The following SAP30L variants were observed in gnomAD, a reference collection of about 807,000 sequenced individuals.
The protein encoded by SAP30L is SAP30 like.
Under a neutral mutation model 22.3 loss-of-function variants are expected in SAP30L, and 10 were observed. That is an observed-to-expected ratio of 0.45 (90% CI 0.28 to 0.76). The LOEUF is 0.76. Ranked by LOEUF, SAP30L falls within the 30% of genes least tolerant of loss-of-function variation. The probability of loss-of-function intolerance (pLI) is 0.14; values close to 1 mark genes in which losing one functional copy is unlikely to be tolerated. For missense variants in SAP30L, 206 were observed against 237.9 expected, an observed-to-expected ratio of 0.87 and a Z score of 0.88; for synonymous variants, 91 against 94.1, an observed-to-expected ratio of 0.97 and a Z score of 0.19.
chr5:154,446,591 C>G lies in SAP30L; in HGVS notation c.-14C>G. On this transcript the variant is annotated 5_prime_UTR_variant, in exon 1 of 4. Coordinates refer to ENST00000297109, the MANE Select transcript of SAP30L (RefSeq NM_024632.6). ...GGGGACCCTCCCCCAGAGGGACCGG[C>G]CCGGGGCGGGGAGATGAACGGCTTC... The G allele has an allele frequency of 6.8e-7, 1 of 1,464,300 alleles. No homozygotes were observed. Among genetic ancestry groups the G allele is most frequent in the Non-Finnish European group, 9.0e-7 (1 of 1,112,354 alleles). The allele number at this position is 1,464,300 out of a possible 1,614,324, so 90.7% of individuals were successfully genotyped here. A position where few individuals can be genotyped will look rare whatever the true frequency, so the allele number is the denominator to read the frequency against.
rs1258537019 is a variant in SAP30L at position 154,458,485 on chromosome 5, AGTGGGGT to A, written c.*2464_*2470del. ...GCAACGGGGTCTGGCTTCAGGGAGC[AGTGGGGT>A]GTGGGGAAAGCAATGTTCATCTTGG... is the stretch of plus-strand genomic sequence containing the variant. On this transcript the variant is annotated 3_prime_UTR_variant, in exon 4 of 4. Transcript: ENST00000297109. The A allele has an allele frequency of 6.6e-6, 1 of 152,298 alleles. No individual in the cohort carries two copies. Among genetic ancestry groups the A allele is most frequent in the African/African-American group, 2.4e-5 (1 of 41,466 alleles). 9.4% of individuals were successfully genotyped at this position (152,298 alleles called of 1,614,324 possible).
rs1757136933 is a variant in SAP30L, at chr5:154,451,423, C to T, written c.324+210C>T. ...TCAGACTGCCCCATCATTTTACAGA[C>T]AGGCACAGAGAGCCGAGGTCATGTA... is the stretch of plus-strand genomic sequence containing the variant. On this transcript the variant is annotated intron_variant, in intron 2 of 3. Coordinates refer to ENST00000297109, the MANE Select transcript of SAP30L (RefSeq NM_024632.6). 9 of 594,464 alleles carry T rather than the reference C, an allele frequency of 1.5e-5. No homozygotes were observed. The South Asian group carries it at 2.0e-4, about 13-fold the overall frequency. 36.8% of individuals were successfully genotyped at this position (594,464 alleles called of 1,614,324 possible). A position where few individuals can be genotyped will look rare whatever the true frequency, so the allele number is the denominator to read the frequency against.
chr5:154,446,994 C>T (rs1273654219), intron 1 of SAP30L, among the ~76,000 whole-genome samples, 189 bp downstream of exon 1: 2 of 152,224 alleles, frequency 1.3e-5, no homozygotes, highest in Admixed American at 6.5e-5. Flanking sequence ...TGATTCTACC[C>T]AGATCCGGGA....
At chr5:154,447,833 C>G (rs1406037055) in intron 1 of SAP30L, among the ~76,000 whole-genome samples, 1 of 152,154 alleles carries the variant, frequency 6.6e-6, no homozygotes, top group Admixed American at 6.5e-5. Context: ...CAGGTACACA[C>G]AGCACCTAAG....
Position 154,456,267 on chromosome 5 carries a change from CTATG to C in SAP30L, c.*243_*246del, listed in dbSNP as rs1757263168. 2.2e-5 allele frequency: 7 copies of C among 320,864 alleles called. No homozygotes were observed. 19.9% of individuals were successfully genotyped at this position (320,864 alleles called of 1,614,324 possible). Reference sequence around the variant, plus strand: ...TCAGGATCATTAAAAGAATTAAAAACTATGTATTTCAGCATTCAACAAAGCATTA... The same window carrying C: ...TCAGGATCATTAAAAGAATTAAAAACTATTTCAGCATTCAACAAAGCATTA... On this transcript the variant is annotated 3_prime_UTR_variant, in exon 4 of 4. Coordinates refer to ENST00000297109, the MANE Select transcript of SAP30L (RefSeq NM_024632.6).
At chr5:154,453,329 A>T in intron 2 of SAP30L, 73 bp from the exon 3 acceptor site, 1 of 1,006,214 alleles carries the variant, frequency 9.9e-7, no homozygotes, top group Non-Finnish European at 1.6e-6. Context: ...GTGTAGTGCT[A>T]GGCACATAGT....
At chr5:154,452,920 TC>T (rs890528026) in intron 2 of SAP30L, among the ~76,000 whole-genome samples, 2 of 151,824 alleles carry the variant, frequency 1.3e-5, no homozygotes, top group African/African-American at 4.8e-5. Context: ...TCCCTCCGTA[TC>T]CCCCCATCAG....
rs2113262273 is a variant in SAP30L at position 154,446,430 on chromosome 5, GC to G, written c.-173del. The stretch of plus-strand genomic sequence containing the variant: ...GGAAGGGGGCTTCCGGAGGCGGAGG[GC>G]CGGGGGCCGAGGGAGCCGGGCCTCT... On this transcript the variant is annotated 5_prime_UTR_variant, in exon 1 of 4. Coordinates refer to ENST00000297109, the MANE Select transcript of SAP30L (RefSeq NM_024632.6). 1 of 480,974 alleles carries G rather than the reference GC, an allele frequency of 2.1e-6. No homozygotes were observed. The highest frequency in any genetic ancestry group is 3.4e-6 in the Non-Finnish European group (1 of 294,112). 29.8% of individuals were successfully genotyped at this position (480,974 alleles called of 1,614,324 possible). A position where few individuals can be genotyped will look rare whatever the true frequency, so the allele number is the denominator to read the frequency against.
chr5:154,452,817 T>G (rs568403524), intron 2 of SAP30L, among the ~76,000 whole-genome samples: 1 of 151,274 alleles, frequency 6.6e-6, no homozygotes. Context: ...CTCTGGTTTT[T>G]GCCTTTGCTC....
intron 1 of SAP30L, among the ~76,000 whole-genome samples, chr5:154,447,969 CTTTTTTTTTTTTTT>C (rs140213326): frequency 6.8e-5 from 6 of 88,350 alleles, no homozygotes; most frequent in Non-Finnish European, 8.1e-5. Context: ...TTTTCTTTTT[CTTTTTTTTTTTTTT>C]TTTTTTTTTT....
rs753102194 is a variant in SAP30L, at chr5:154,451,201, T to G, written c.312T>G (p.Thr104=). ...DDGGDSPEHD[T]DIPEVDLFQL... Reference sequence around the variant, plus strand: ...GCGGAGATTCTCCCGAGCACGACACTGACATTCCTGAGGTAAAGGTCAAAG... The same window carrying G: ...GCGGAGATTCTCCCGAGCACGACACGGACATTCCTGAGGTAAAGGTCAAAG... Residue 104 remains threonine, a synonymous_variant, in exon 2 of 4, where the codon ACT becomes ACG. Coordinates refer to ENST00000297109, the MANE Select transcript of SAP30L (RefSeq NM_024632.6). The G allele has an allele frequency of 3.7e-6, 6 of 1,613,824 alleles. No homozygotes were observed. In the East Asian group the frequency reaches 1.3e-4, roughly 36 times the overall value.
chr5:154,453,357 T>G (rs944949365), intron 2 of SAP30L, 45 bp from the exon 3 acceptor site: 1 of 1,405,162 alleles, frequency 7.1e-7, no homozygotes, highest in Non-Finnish European at 1.0e-6. Flanking sequence ...TGGTGAGTCC[T>G]GGGTGGTCAG....
At chr5:154,453,651 C>A in intron 3 of SAP30L, 151 bp downstream of exon 3, 1 of 620,636 alleles carries the variant, frequency 1.6e-6, no homozygotes, top group South Asian at 2.0e-5. Flanking sequence ...AATTTAGAAC[C>A]CCACAGCTTT....
At position 154,450,197 on chromosome 5, in the gene SAP30L, T is replaced by A. The variant is rs577964855; in HGVS notation, c.202-894T>A. 2.6e-5 allele frequency among the ~76,000 whole-genome samples: 4 copies of A among 152,356 alleles called. 1 individual carries two copies. The South Asian group carries it at 8.3e-4, about 32-fold the overall frequency. The stretch of plus-strand genomic sequence containing the variant: ...AGCCAGCCTTGGAGGATTCTTCATG[T>A]CTTAGCTGTTGCTGCCACCTTCACT... On this transcript the variant is annotated intron_variant, in intron 1 of 3. Transcript: ENST00000297109.
At chr5:154,449,584 G>A (rs1228154863) in intron 1 of SAP30L, among the ~76,000 whole-genome samples, 24 of 152,170 alleles carry the variant, frequency 1.6e-4, no homozygotes, top group Admixed American at 1.6e-3. Flanking sequence ...GAGTGGACTC[G>A]CCAGTCTAGC....
intron 2 of SAP30L, chr5:154,451,420 A>G: frequency 1.7e-6 from 1 of 594,552 alleles, no homozygotes; most frequent in Non-Finnish European, 2.9e-6. Context: ...ATCATTTTAC[A>G]GACAGGCACA....
In SAP30L at chr5:154,453,439, G is replaced by A. The variant is rs1369350827; in HGVS notation, c.362G>A (p.Arg121His). ...LFQLQVNTLR[R>H]YKRHYKLQTR... ...CAGCTGCAGGTGAACACCCTACGAC[G>A]TTATAAACGACACTACAAGTTGCAG... Residue 121 changes from arginine (R) to histidine (H), a missense_variant, in exon 3 of 4, where the codon CGT (arginine) becomes CAT (histidine). Coordinates refer to ENST00000297109, the MANE Select transcript of SAP30L (RefSeq NM_024632.6). 12 of 1,613,656 alleles carry A rather than the reference G, an allele frequency of 7.4e-6. No homozygotes were observed. Among genetic ancestry groups the A allele is most frequent in the African/African-American group, 2.7e-5 (2 of 74,888 alleles).
intron 1 of SAP30L, among the ~76,000 whole-genome samples, chr5:154,447,969 C>CTTTTTTTTTT (rs140213326): frequency 2.0e-4 from 18 of 88,354 alleles, no homozygotes; most frequent in Non-Finnish European, 2.9e-4. Flanking sequence ...TTTTCTTTTT[C>CTTTTTTTTTT]TTTTTTTTTT....
chr5:154,452,435 ATCAT>A, intron 2 of SAP30L: 2 of 962,598 alleles, frequency 2.1e-6, no homozygotes, highest in Non-Finnish European at 2.5e-6. Flanking sequence ...CCTCATATTG[ATCAT>A]TCATTTTGTT....
Sources: allele counts gnomAD v4.1 joint callset (sites outside exome capture counted in the v4.1 genomes callset), GRCh38; gene constraint gnomAD v4.1.1; transcripts MANE v1.5; gene names NCBI Gene and HGNC (gene_info 2026-07-23, HGNC 2026-07-21).